ATP2C1: variants seen among roughly 807,000 people sequenced by gnomAD.
ATP2C1 encodes ATPase secretory pathway Ca2+ transporting 1, also known as calcium-transporting ATPase type 2C member 1.
In ATP2C1, 31 loss-of-function variants were observed where a neutral mutation model predicts 120.5. The ratio of observed to expected loss-of-function variants is 0.26; its 90% CI spans 0.19 to 0.35. The LOEUF (loss-of-function observed/expected upper bound fraction) is 0.35, where lower values mean the gene tolerates loss of function less well. Among genes scored for constraint, ATP2C1 ranks in the 10% least tolerant of loss-of-function variants. The pLI is 1.00. For synonymous variants in ATP2C1, 351 were observed against 358.7 expected (o/e 0.98, Z 0.24); for missense variants, 731 against 1,107.5 (o/e 0.66, Z 4.83).
intron 26 of ATP2C1, among the ~76,000 whole-genome samples, chr3:131,013,163 T>G (rs1429337725): frequency 4.6e-5 from 7 of 152,208 alleles, no homozygotes; most frequent in African/African-American, 1.7e-4. Context: ...GCCGGCACTT[T>G]CAGAACTCTG....
At chr3:130,980,942 A>G (rs565280157) in intron 20 of ATP2C1, among the ~76,000 whole-genome samples, 2 of 152,354 alleles carry the variant, frequency 1.3e-5, no homozygotes, top group East Asian at 1.9e-4. Context: ...TACTGTGGAA[A>G]TTAATAGTGC....
intron 1 of ATP2C1, among the ~76,000 whole-genome samples, chr3:130,882,730 T>G (rs2068824567): frequency 6.6e-6 from 1 of 152,176 alleles, no homozygotes; most frequent in South Asian, 2.1e-4. Flanking sequence ...AATGATGTCT[T>G]TAATGTATTG....
At chr3:131,015,313 G>A in intron 26 of ATP2C1, 1 of 665,650 alleles carries the variant, frequency 1.5e-6, no homozygotes, top group Non-Finnish European at 2.7e-6. Flanking sequence ...ACATCTGAGT[G>A]GAGAGACAAA....
intron 2 of ATP2C1, among the ~76,000 whole-genome samples, chr3:130,900,774 C>T (rs2057783129): frequency 6.6e-6 from 1 of 152,132 alleles, no homozygotes; most frequent in African/African-American, 2.4e-5. Flanking sequence ...TGAACCAGGT[C>T]CTGGATTTCC....
At chr3:130,900,617 G>A (rs748311702) in intron 2 of ATP2C1, among the ~76,000 whole-genome samples, 174 of 152,022 alleles carry the variant, frequency 1.1e-3, no homozygotes, top group Non-Finnish European at 2.3e-3. Context: ...ATTTAAACAC[G>A]CAAAGTAAAA....
chr3:130,993,839 GA>G (rs1038750798), intron 21 of ATP2C1, 92 bp from the exon 22 acceptor site: 25 of 1,303,708 alleles, frequency 1.9e-5, no homozygotes, highest in Middle Eastern at 4.7e-4. Flanking sequence ...TTAATTATGT[GA>G]AAAAAATAGG....
intron 26 of ATP2C1, among the ~76,000 whole-genome samples, chr3:131,015,810 G>T (rs553382049): frequency 2.0e-5 from 3 of 152,130 alleles, no homozygotes; most frequent in Non-Finnish European, 4.4e-5. Context: ...GCTCTACAAA[G>T]TGACATTTAA....
chr3:130,931,808 C>G (rs2059460390), intron 3 of ATP2C1, among the ~76,000 whole-genome samples: 1 of 152,050 alleles, frequency 6.6e-6, no homozygotes, highest in Non-Finnish European at 1.5e-5. Flanking sequence ...TTTATCACTC[C>G]AGAAAGCTCC....
intron 4 of ATP2C1, among the ~76,000 whole-genome samples, chr3:130,932,856 A>C (rs565576602): frequency 6.6e-6 from 1 of 152,278 alleles, no homozygotes; most frequent in African/African-American, 2.4e-5. Flanking sequence ...AACTTTTCTA[A>C]AGTGCCTTTT....
intron 2 of ATP2C1, among the ~76,000 whole-genome samples, chr3:130,923,376 A>G (rs777362390): frequency 7.9e-5 from 12 of 151,622 alleles, no homozygotes; most frequent in Non-Finnish European, 1.5e-4. Flanking sequence ...ACAGGCACAC[A>G]CCACCATGCC....
rs759908095 is a variant in ATP2C1, at chr3:130,996,816, A to G, written c.2243+20A>G. 84 of 1,481,764 alleles carry G rather than the reference A, an allele frequency of 5.7e-5. 1 individual carries two copies. Among genetic ancestry groups the G allele is most frequent in the Non-Finnish European group, 7.6e-5 (81 of 1,059,846 alleles). The allele number at this position is 1,481,764 out of a possible 1,614,324, so 91.8% of individuals were successfully genotyped here. A position where few individuals can be genotyped will look rare whatever the true frequency, so the allele number is the denominator to read the frequency against. On this transcript the variant is annotated intron_variant, in intron 24 of 27. Transcript: ENST00000510168. The stretch of plus-strand genomic sequence containing the variant: ...TCAGAGGTACGAGTTTTTTAATTGC[A>G]TGAGCTGGAAAGACAAGGAATGTGT...
At chr3:130,965,779 G>C (rs141858097) in intron 14 of ATP2C1, among the ~76,000 whole-genome samples, 1 of 151,938 alleles carries the variant, frequency 6.6e-6, no homozygotes, top group Admixed American at 6.6e-5. Flanking sequence ...GTTATATGTT[G>C]TCTTAGCATT....
At chr3:130,990,402 C>T (rs561530992) in intron 20 of ATP2C1, among the ~76,000 whole-genome samples, 108 of 151,466 alleles carry the variant, frequency 7.1e-4, no homozygotes, top group South Asian at 3.8e-3. Flanking sequence ...ATGTTATATC[C>T]GAGGAAAGAG....
intron 1 of ATP2C1, among the ~76,000 whole-genome samples, chr3:130,876,219 C>T (rs1042779807): frequency 8.6e-5 from 13 of 152,000 alleles, no homozygotes; most frequent in Admixed American, 5.2e-4. Flanking sequence ...TGTCCAGAAG[C>T]ATTTTCCCTG....
At chr3:131,014,105 TAAC>T (rs1311204323) in intron 26 of ATP2C1, 1 of 1,606,120 alleles carries the variant, frequency 6.2e-7, no homozygotes, top group Non-Finnish European at 8.5e-7. Flanking sequence ...TTTCAACCAT[TAAC>T]AACCCAAACC....
chr3:130,965,121 T>C (rs2060995277), intron 14 of ATP2C1, 76 bp downstream of exon 14: 1 of 975,668 alleles, frequency 1.0e-6, no homozygotes, highest in Admixed American at 1.8e-5. Flanking sequence ...TCCTAACAGT[T>C]CCAGTGTCTT....
intron 8 of ATP2C1, among the ~76,000 whole-genome samples, chr3:130,942,800 T>A (rs1228126707): frequency 2.0e-5 from 3 of 152,202 alleles, no homozygotes; most frequent in Non-Finnish European, 4.4e-5. Flanking sequence ...TTCCTTCAGT[T>A]CCTAATATTT....
chr3:131,006,689 CTT>C (rs1167746798), downstream of ATP2C1, among the ~76,000 whole-genome samples: 3 of 137,510 alleles, frequency 2.2e-5, no homozygotes, highest in Admixed American at 7.3e-5. Flanking sequence ...TTCTTGTACA[CTT>C]TTTTTTTTTT....
At chr3:130,987,334 G>C (rs2062068347) in intron 20 of ATP2C1, among the ~76,000 whole-genome samples, 2 of 151,172 alleles carry the variant, frequency 1.3e-5, no homozygotes, top group South Asian at 4.2e-4. Context: ...TTTTGAGACA[G>C]AGTCTCCTGC....
Sources: allele counts gnomAD v4.1 joint callset (sites outside exome capture counted in the v4.1 genomes callset), GRCh38; gene constraint gnomAD v4.1.1; transcripts MANE v1.5; gene names NCBI Gene and HGNC (gene_info 2026-07-23, HGNC 2026-07-21).